SPATA13: variants seen among roughly 807,000 people sequenced by gnomAD.
SPATA13 encodes spermatogenesis associated 13.
A neutral mutation model predicts 104.0 loss-of-function variants in SPATA13; 50 were observed. The observed-to-expected ratio is 0.48, with a 90% confidence interval of 0.38 to 0.61. The LOEUF (loss-of-function observed/expected upper bound fraction) is 0.61, where lower values mean the gene tolerates loss of function less well. Among genes scored for constraint, SPATA13 ranks in the 20% least tolerant of loss-of-function variants. SPATA13 has a pLI of 0.00. For synonymous variants in SPATA13, 606 were observed against 667.5 expected, an observed-to-expected ratio of 0.91 and a Z score of 1.42; for missense variants, 1,524 against 1,690.6, an observed-to-expected ratio of 0.90 and a Z score of 1.73.
At chr13:24,073,999 G>A (rs994711200) in intron 3 of SPATA13, among the ~76,000 whole-genome samples, 8 of 152,208 alleles carry the variant, frequency 5.3e-5, no homozygotes, top group African/African-American at 1.9e-4. Context: ...ATTTCACATT[G>A]TAATTTACAC....
intron 3 of SPATA13, among the ~76,000 whole-genome samples, chr13:24,096,846 A>T (rs528684491): frequency 2.0e-5 from 3 of 152,282 alleles, no homozygotes; most frequent in Admixed American, 6.5e-5. Context: ...AGGCCAGATC[A>T]TTTCAGGCTG....
chr13:24,278,680 A>G, intron 4 of SPATA13: 1 of 1,526,220 alleles, frequency 6.6e-7, no homozygotes, highest in Non-Finnish European at 8.7e-7. Context: ...CTTGTTCAGA[A>G]TGTATAAACA....
chr13:24,258,364 CAAA>C (rs3067220), intron 4 of SPATA13, among the ~76,000 whole-genome samples: 7 of 96,414 alleles, frequency 7.3e-5, no homozygotes, highest in South Asian at 6.9e-4. Context: ...GAGTTCATCT[CAAA>C]AAAAAAAAAA....
chr13:24,013,582 A>G (rs1261006797), intron 2 of SPATA13, among the ~76,000 whole-genome samples: 1 of 152,180 alleles, frequency 6.6e-6, no homozygotes, highest in African/African-American at 2.4e-5. Context: ...GAATTCTTCC[A>G]AGATCTTATT....
intron 3 of SPATA13, among the ~76,000 whole-genome samples, chr13:24,134,816 A>T (rs370042920): frequency 7.2e-5 from 11 of 152,296 alleles, no homozygotes; most frequent in African/African-American, 2.2e-4. Flanking sequence ...TGTGTCCCCC[A>T]AAATTTTGCA....
At chr13:24,285,233 T>C (rs1418873890) in intron 5 of SPATA13, among the ~76,000 whole-genome samples, 2 of 152,202 alleles carry the variant, frequency 1.3e-5, no homozygotes, top group Admixed American at 6.5e-5. Flanking sequence ...CTCAAGATCA[T>C]GCTATGTTCT....
At chr13:24,146,580 G>A (rs1881939915) in intron 3 of SPATA13, among the ~76,000 whole-genome samples, 1 of 152,076 alleles carries the variant, frequency 6.6e-6, no homozygotes, top group African/African-American at 2.4e-5. Context: ...GAGGAAAGTA[G>A]GCTATAAATA....
In SPATA13 at chr13:24,205,851, A is replaced by G. The variant is rs1156756339; in HGVS notation, c.-111-16968A>G. 6.6e-6 allele frequency among the ~76,000 whole-genome samples: 1 copy of G among 152,218 alleles called. No individual in the cohort carries two copies. The highest frequency in any genetic ancestry group is 2.4e-5 in the African/African-American group (1 of 41,460). ...CAATGGAGAAAGGATACCCTATTTA[A>G]TAAATGGTGCTCGGAGAACAAGCTA... On this transcript the variant is annotated intron_variant, in intron 1 of 12. Transcript: ENST00000382108. This position sits in a 1 kb window ranked among gnomAD's most constrained non-coding sequence, Gnocchi z 4.1.
At chr13:24,259,725 C>G (rs1168523505) in intron 4 of SPATA13, among the ~76,000 whole-genome samples, 1 of 152,178 alleles carries the variant, frequency 6.6e-6, no homozygotes, top group Non-Finnish European at 1.5e-5. Context: ...GAGGGGCCAG[C>G]AGGGCTTAAT....
At chr13:24,165,606 G>A (rs1040473212) in intron 1 of SPATA13, among the ~76,000 whole-genome samples, 1 of 147,804 alleles carries the variant, frequency 6.8e-6, no homozygotes, top group Middle Eastern at 3.4e-3. Flanking sequence ...TCCAACTTTA[G>A]CAGCAGGAAA....
chr13:24,090,016 C>T (rs914882549), intron 3 of SPATA13, among the ~76,000 whole-genome samples: 6 of 152,234 alleles, frequency 3.9e-5, no homozygotes, highest in East Asian at 3.9e-4. Context: ...GACCTAATCA[C>T]CTCCTAAAGG....
intron 1 of SPATA13, among the ~76,000 whole-genome samples, chr13:24,196,173 A>T (rs114525993): frequency 6.6e-6 from 1 of 152,102 alleles, no homozygotes; most frequent in African/African-American, 2.4e-5. Context: ...ATGTTACCCA[A>T]ATTTGATGAG....
At chr13:24,265,918 C>A (rs1327460903) in intron 4 of SPATA13, among the ~76,000 whole-genome samples, 2 of 152,178 alleles carry the variant, frequency 1.3e-5, no homozygotes. Flanking sequence ...AACTTTGGTG[C>A]TGGTCATCTC....
intron 4 of SPATA13, among the ~76,000 whole-genome samples, chr13:24,273,472 T>G (rs1018276105): frequency 2.6e-5 from 4 of 152,216 alleles, no homozygotes; most frequent in African/African-American, 9.7e-5. Context: ...AAATACTATT[T>G]GTGAAGAATG....
At chr13:24,183,891 G>A (rs1301975003) in intron 1 of SPATA13, among the ~76,000 whole-genome samples, 5 of 152,088 alleles carry the variant, frequency 3.3e-5, no homozygotes, top group African/African-American at 1.2e-4. Context: ...AATCACGGGC[G>A]CTTCCTCAGA....
upstream of SPATA13, among the ~76,000 whole-genome samples, chr13:24,157,521 C>G (rs534211012): frequency 1.2e-4 from 18 of 152,228 alleles, no homozygotes; most frequent in South Asian, 3.7e-3. Flanking sequence ...AGGATGGTCT[C>G]GATCTCCTGA....
chr13:24,172,374 T>G (rs1461586806), intron 1 of SPATA13, among the ~76,000 whole-genome samples: 1 of 152,262 alleles, frequency 6.6e-6, no homozygotes, highest in African/African-American at 2.4e-5. Flanking sequence ...AGGTCCAGTT[T>G]ATCAGTTTTT....
intron 2 of SPATA13, among the ~76,000 whole-genome samples, chr13:24,231,271 G>C (rs1009186778): frequency 6.6e-6 from 1 of 152,196 alleles, no homozygotes; most frequent in Non-Finnish European, 1.5e-5. Context: ...GTCACTTTCT[G>C]TTCCTAGCCC....
chr13:24,038,246 G>C (rs1294716876), intron 3 of SPATA13, among the ~76,000 whole-genome samples: 1 of 152,084 alleles, frequency 6.6e-6, no homozygotes, highest in Non-Finnish European at 1.5e-5. Flanking sequence ...TATATACTGT[G>C]GTCTTTTTTA....
Sources: allele counts gnomAD v4.1 joint callset (sites outside exome capture counted in the v4.1 genomes callset), GRCh38; gene constraint gnomAD v4.1.1; non-coding constraint Gnocchi (gnomAD v3.1); transcripts MANE v1.5; gene names NCBI Gene and HGNC (gene_info 2026-07-23, HGNC 2026-07-21).